The following EPHA7 variants were observed in gnomAD, a reference collection of about 807,000 sequenced individuals.
The protein encoded by EPHA7 is ephrin type-A receptor 7.
A neutral mutation model predicts 112.6 loss-of-function variants in EPHA7; 25 were observed. That is an observed-to-expected ratio of 0.22 (90% confidence interval 0.16 to 0.31). The LOEUF is 0.31. Among genes scored for constraint, EPHA7 ranks in the 10% least tolerant of loss-of-function variants. The pLI is 1.00. For synonymous variants in EPHA7, 437 were observed against 406.5 expected (o/e 1.07, Z -0.90); for missense variants, 962 against 1,212.6 (o/e 0.79, Z 3.07).
At chr6:93,361,537 T>A (rs775189312) in intron 3 of EPHA7, among the ~76,000 whole-genome samples, 30 of 152,046 alleles carry the variant, frequency 2.0e-4, no homozygotes, top group South Asian at 8.3e-4. Flanking sequence ...AAGTGGCATA[T>A]CTGAGAGATA....
chr6:93,291,550 C>A (rs1386389166), intron 5 of EPHA7, among the ~76,000 whole-genome samples: 1 of 151,446 alleles, frequency 6.6e-6, no homozygotes, highest in Non-Finnish European at 1.5e-5. Context: ...GGGCGGATCA[C>A]GAGGTCAGGA....
chr6:93,259,418 A>T lies in EPHA7; in HGVS notation c.1860T>A (p.Ala620=). ...CTAGCTCCTTGGCGAATTGATGGAC[A>T]GCTCTATTTGGGTCCTCATAGGTTT... The part of the protein sequence containing the change: ...DPETYEDPNR[A]VHQFAKELDA... Residue 620 remains alanine, a synonymous_variant, in exon 10 of 17, where the codon GCT becomes GCA. Coordinates refer to ENST00000369303, the MANE Select transcript of EPHA7 (RefSeq NM_004440.4). 1 of 1,612,324 alleles carries T rather than the reference A, an allele frequency of 6.2e-7. No homozygotes were observed. Among genetic ancestry groups the T allele is most frequent in the Non-Finnish European group, 8.5e-7 (1 of 1,178,648 alleles).
At chr6:93,308,054 C>T (rs424733) in intron 5 of EPHA7, among the ~76,000 whole-genome samples, 1 of 152,246 alleles carries the variant, frequency 6.6e-6, no homozygotes, top group African/African-American at 2.4e-5. Context: ...GGGAGAAATG[C>T]TAGTGTGCAG....
intron 5 of EPHA7, among the ~76,000 whole-genome samples, chr6:93,292,185 T>G (rs191111220): frequency 6.6e-6 from 1 of 152,282 alleles, no homozygotes; most frequent in East Asian, 1.9e-4. Flanking sequence ...CACTTATTAG[T>G]TAAGTCATTT....
intron 3 of EPHA7, among the ~76,000 whole-genome samples, chr6:93,369,935 T>C (rs930105659): frequency 1.3e-5 from 2 of 152,124 alleles, no homozygotes; most frequent in Non-Finnish European, 2.9e-5. Context: ...ACATTCTTAG[T>C]AGAGGGGAGT....
intron 3 of EPHA7, among the ~76,000 whole-genome samples, chr6:93,382,884 G>C (rs1157276205): frequency 6.6e-6 from 1 of 152,078 alleles, no homozygotes; most frequent in East Asian, 1.9e-4. Context: ...CCACTATCCA[G>C]AGCCACATTC....
rs575783309 is a variant in EPHA7 at position 93,328,128 on chromosome 6, G to A, written c.1324+28589C>T. ...TCTCTGTCCAGAACACTCTTCTTCC[G>A]TTTGGCTTTGCTTTCATATCTCACT... is the stretch of plus-strand genomic sequence containing the variant. On this transcript the variant is annotated intron_variant, in intron 5 of 16. Transcript: ENST00000369303. Among the ~76,000 whole-genome samples, 122 of 151,442 alleles carry A rather than the reference G, an allele frequency of 8.1e-4. 2 individuals are homozygous for A. In the South Asian group the frequency reaches 0.022, roughly 27 times the overall value.
chr6:93,386,580 C>T (rs1473630257), intron 3 of EPHA7, among the ~76,000 whole-genome samples: 1 of 152,102 alleles, frequency 6.6e-6, no homozygotes, highest in African/African-American at 2.4e-5. Flanking sequence ...ATAATGGTGG[C>T]CCTCTTCTCC....
chr6:93,341,923 T>A lies in EPHA7; in HGVS notation c.1324+14794A>T, dbSNP rs1362501798. Reference sequence around the variant, plus strand: ...TATTCACAATATCTAAGAGAAAAAATTCATAGGCATACTTTCAAGATTTGG... The same window carrying A: ...TATTCACAATATCTAAGAGAAAAAAATCATAGGCATACTTTCAAGATTTGG... On this transcript the variant is annotated intron_variant, in intron 5 of 16. Transcript: ENST00000369303. Among the ~76,000 whole-genome samples, 9 of 151,446 alleles carry A rather than the reference T, an allele frequency of 5.9e-5. 1 individual carries two copies. The South Asian group carries it at 1.7e-3, about 28-fold the overall frequency.
chr6:93,369,796 G>A (rs1391484544), intron 3 of EPHA7, among the ~76,000 whole-genome samples: 11 of 152,286 alleles, frequency 7.2e-5, no homozygotes, highest in African/African-American at 1.2e-4. Context: ...TTGAATGGAC[G>A]AATGAAGGAA....
In EPHA7 at chr6:93,240,027, T is replaced by C. The variant is rs1769624819; in HGVS notation, c.*3399A>G. Reference sequence around the variant, plus strand: ...CAATGATTGGAGACAGGATTTTCTTTACATTGTCTAATAGACTTGTTTATT... The same window carrying C: ...CAATGATTGGAGACAGGATTTTCTTCACATTGTCTAATAGACTTGTTTATT... On this transcript the variant is annotated 3_prime_UTR_variant, in exon 17 of 17. Transcript: ENST00000369303. 1 of 210,840 alleles carries C rather than the reference T, an allele frequency of 4.7e-6. No individual in the cohort carries two copies. The highest frequency in any genetic ancestry group is 2.3e-5 in the African/African-American group (1 of 44,288). 13.1% of individuals were successfully genotyped at this position (210,840 alleles called of 1,614,324 possible).
At position 93,258,207 on chromosome 6, in the gene EPHA7, T is replaced by G. The variant is rs1415493097; in HGVS notation, c.2002A>C (p.Lys668Gln). Residue 668 changes from lysine to glutamine, a missense_variant, in exon 11 of 17, where the codon AAA (lysine) becomes CAA (glutamine). Around this residue, in one of 3 missense-constraint regions of EPHA7, gnomAD observed 746 missense variants for 889.2 expected, o/e 0.84. Coordinates refer to ENST00000369303, the MANE Select transcript of EPHA7 (RefSeq NM_004440.4). ...RDVAVAIKTL[K>Q]VGYTEKQRRD... is the part of the protein sequence containing the mutation. Reference sequence around the variant, plus strand: ...CTTTGTTTTTCTGTGTAACCAACTTTCAGGGTTTTTATGGCTACTGCAACA... The same window carrying G: ...CTTTGTTTTTCTGTGTAACCAACTTGCAGGGTTTTTATGGCTACTGCAACA... 1 of 1,613,382 alleles carries G rather than the reference T, an allele frequency of 6.2e-7. No individual in the cohort carries two copies. The highest frequency in any genetic ancestry group is 1.3e-5 in the African/African-American group (1 of 74,888).
intron 3 of EPHA7, among the ~76,000 whole-genome samples, chr6:93,396,300 A>T (rs1778168841): frequency 6.6e-6 from 1 of 151,920 alleles, no homozygotes; most frequent in African/African-American, 2.4e-5. Context: ...TTTTCTAGTC[A>T]TTTTATATAA....
At chr6:93,260,442 T>C (rs983085500) in intron 9 of EPHA7, 6 of 683,672 alleles carry the variant, frequency 8.8e-6, no homozygotes, top group Non-Finnish European at 1.1e-5. Flanking sequence ...TAGGCATATA[T>C]TTGGTTATAT....
At chr6:93,369,180 CCA>C (rs35708007) in intron 3 of EPHA7, among the ~76,000 whole-genome samples, 23,226 of 144,648 alleles carry the variant, frequency 0.16, 2,144 homozygotes, top group East Asian at 0.29. Flanking sequence ...AAAATAAAGG[CCA>C]CACACACACA....
At chr6:93,383,000 G>C (rs1777417825) in intron 3 of EPHA7, among the ~76,000 whole-genome samples, 1 of 152,148 alleles carries the variant, frequency 6.6e-6, no homozygotes, top group South Asian at 2.1e-4. Context: ...CAATCAACAA[G>C]TCTTTATCCT....
Position 93,411,165 on chromosome 6 carries a change from T to C in EPHA7, c.168A>G (p.Glu56=). Residue 56 remains glutamate, a synonymous_variant, in exon 3 of 17, where the codon GAA becomes GAG. Coordinates refer to ENST00000369303, the MANE Select transcript of EPHA7 (RefSeq NM_004440.4). ...AGTTCTCATCCAAACCACTAATTTC[T>C]TCCCACTGTAAAATTTGAAAAAAGG... ...EWISSPPNGW[E]EISGLDENYT... is the part of the protein sequence containing the mutation. The C allele has an allele frequency of 6.3e-7, 1 of 1,599,882 alleles. No individual in the cohort carries two copies. The highest frequency in any genetic ancestry group is 1.1e-5 in the South Asian group (1 of 89,368).
intron 5 of EPHA7, among the ~76,000 whole-genome samples, chr6:93,304,426 G>A (rs1452930160): frequency 6.6e-6 from 1 of 151,940 alleles, no homozygotes. Context: ...TATTTTATCT[G>A]TTCTGCTCCA....
intron 3 of EPHA7, among the ~76,000 whole-genome samples, chr6:93,388,520 G>C (rs1336413614): frequency 6.6e-6 from 1 of 152,058 alleles, no homozygotes; most frequent in African/African-American, 2.4e-5. Flanking sequence ...GTTAGGCAGG[G>C]TGCTATGTGA....
Sources: gnomAD v4.1 joint callset for allele counts (sites outside exome capture counted in the v4.1 genomes callset) on GRCh38, gnomAD v4.1.1 for gene constraint, gnomAD v4.1.1 regional missense constraint, MANE v1.5 for transcripts, NCBI Gene and HGNC (gene_info 2026-07-23, HGNC 2026-07-21) for gene names.